Variants in CD276 observed in about 807,000 individuals in gnomAD.
CD276 encodes CD276 antigen.
CD276 carries 34 observed loss-of-function variants against 50.0 expected under a neutral mutation model. That is an observed-to-expected ratio of 0.68 (90% confidence interval 0.52 to 0.91). The LOEUF (loss-of-function observed/expected upper bound fraction) is 0.91, where lower values mean the gene tolerates loss of function less well. Among genes scored for constraint, CD276 ranks in the 40% least tolerant of loss-of-function variants. The pLI is 0.00. For missense variants in CD276, 634 were observed against 717.5 expected (o/e 0.88, Z 1.33); for synonymous variants, 275 against 313.0 (o/e 0.88, Z 1.28).
intron 2 of CD276, among the ~76,000 whole-genome samples, chr15:73,700,162 T>G (rs951922276): frequency 1.3e-5 from 2 of 152,118 alleles, no homozygotes; most frequent in African/African-American, 4.8e-5. Flanking sequence ...TTATTCTGCC[T>G]AGATTCGCCC....
At chr15:73,696,864 A>G (rs889488692) in intron 1 of CD276, among the ~76,000 whole-genome samples, 9 of 152,090 alleles carry the variant, frequency 5.9e-5, no homozygotes, top group African/African-American at 2.2e-4. Context: ...ACCTTAGAGA[A>G]TGGGGCTGGC....
chr15:73,703,140 G>A (rs77067414), intron 4 of CD276, 54 bp downstream of exon 4: 39,064 of 1,515,930 alleles, frequency 0.026, 565 homozygotes, highest in East Asian at 0.055. Flanking sequence ...TCTGTCGGCA[G>A]GGGTTGGGAG....
Position 73,702,592 on chromosome 15 carries a change from C to T in CD276, c.417C>T (p.Ala139=), listed in dbSNP as rs369360105. The change falls in exon 3 of 10, where the codon GCC becomes GCT. Residue 139 remains alanine (A), a splice_region_variant and synonymous_variant. Coordinates refer to ENST00000318443, the MANE Select transcript of CD276 (RefSeq NM_001024736.2). ...GCGCTGCCGTCAGCCTGCAGGTGGC[C>T]GGTGAGCACCAGGAGGGGGACGCCT... is the stretch of plus-strand genomic sequence containing the variant. ...FGSAAVSLQV[A]APYSKPSMTL... 3.2e-5 allele frequency: 51 copies of T among 1,604,492 alleles called. No individual in the cohort carries two copies. In the African/African-American group the frequency reaches 4.4e-4, roughly 14 times the overall value.
intron 1 of CD276, among the ~76,000 whole-genome samples, chr15:73,691,247 G>A (rs575970709): frequency 2.0e-5 from 3 of 151,934 alleles, no homozygotes; most frequent in African/African-American, 7.2e-5. Flanking sequence ...AAAAAGACTT[G>A]TTTAAGTACC....
chr15:73,700,735 A>T (rs1238586363), intron 2 of CD276, among the ~76,000 whole-genome samples: 1 of 152,142 alleles, frequency 6.6e-6, no homozygotes, highest in Non-Finnish European at 1.5e-5. Flanking sequence ...TTCTAAATGC[A>T]GGAAACCTTT....
Position 73,712,973 on chromosome 15 carries a change from G to A in CD276, c.*17G>A. On this transcript the variant is annotated 3_prime_UTR_variant, in exon 10 of 10. Coordinates refer to ENST00000318443, the MANE Select transcript of CD276 (RefSeq NM_001024736.2). Reference sequence around the variant, plus strand: ...ATAGCCTGACCATGAGGACCAGGGAGCTGCTACCCCTCCCTACAGCTCCTA... The same window carrying A: ...ATAGCCTGACCATGAGGACCAGGGAACTGCTACCCCTCCCTACAGCTCCTA... The A allele has an allele frequency of 6.2e-7, 1 of 1,613,286 alleles. No homozygotes were observed. The highest frequency in any genetic ancestry group is 8.5e-7 in the Non-Finnish European group (1 of 1,179,352).
At chr15:73,711,235 G>T in intron 9 of CD276, 65 bp downstream of exon 9, 1 of 1,557,388 alleles carries the variant, frequency 6.4e-7, no homozygotes. Flanking sequence ...GAGGCTGAGA[G>T]GGTGGGTAGG....
intron 1 of CD276, among the ~76,000 whole-genome samples, chr15:73,689,210 G>A (rs1899888685): frequency 6.6e-6 from 1 of 151,680 alleles, no homozygotes; most frequent in Admixed American, 6.6e-5. Flanking sequence ...GTGTGTGTGT[G>A]TGTGTGTGTG....
Position 73,702,476 on chromosome 15 carries a change from G to T in CD276, c.301G>T (p.Ala101Ser). 3.7e-6 allele frequency: 6 copies of T among 1,613,632 alleles called. No homozygotes were observed. The highest frequency in any genetic ancestry group is 5.1e-6 in the Non-Finnish European group (6 of 1,180,020). ...CACGGCCCTCTTCCCGGACCTGCTG[G>T]CACAGGGCAACGCATCCCTGAGGCT... ...NRTALFPDLLAQGNASLRLQR... is the reference protein window; with the variant it reads ...NRTALFPDLLSQGNASLRLQR... The change falls in exon 3 of 10, where the codon GCA (alanine) becomes TCA (serine). Residue 101 changes from alanine (A) to serine (S), a missense_variant. Physicochemically the swap from Ala to Ser is moderately conservative, Grantham distance 99 (BLOSUM62 1). Coordinates refer to ENST00000318443, the MANE Select transcript of CD276 (RefSeq NM_001024736.2).
intron 1 of CD276, chr15:73,690,832 G>A (rs1369272329): frequency 4.4e-6 from 2 of 455,400 alleles, no homozygotes; most frequent in African/African-American, 4.0e-5. Flanking sequence ...GTGGTGAGGG[G>A]CAAGTAGGAA....
rs916794833 is a variant in CD276, at chr15:73,713,037, C to T, written c.*81C>T. On this transcript the variant is annotated 3_prime_UTR_variant, in exon 10 of 10. Coordinates refer to ENST00000318443, the MANE Select transcript of CD276 (RefSeq NM_001024736.2). ...ATGGGGCTGCACTGTGAGCCCTGCC[C>T]CCAACAGATGCATCCTGCTCTGACA... The T allele has an allele frequency of 1.2e-5, 16 of 1,306,098 alleles. No individual in the cohort carries two copies. Among genetic ancestry groups the T allele is most frequent in the Non-Finnish European group, 1.7e-5 (16 of 915,484 alleles). The allele number at this position is 1,306,098 out of a possible 1,614,324, so 80.9% of individuals were successfully genotyped here. A position where few individuals can be genotyped will look rare whatever the true frequency, so the allele number is the denominator to read the frequency against.
At chr15:73,690,851 G>A in intron 1 of CD276, 1 of 455,172 alleles carries the variant, frequency 2.2e-6, no homozygotes, top group South Asian at 1.6e-5. Context: ...AAGAGGTGAG[G>A]CTGGGCAGGT....
intron 8 of CD276, 93 bp downstream of exon 8, chr15:73,709,782 T>C: frequency 7.8e-7 from 1 of 1,290,116 alleles, no homozygotes; most frequent in Non-Finnish European, 1.1e-6. Context: ...CCAGATTTGC[T>C]GTAAGGTTTG....
intron 1 of CD276, chr15:73,697,848 T>C (rs1034481109): frequency 6.6e-6 from 1 of 152,282 alleles, no homozygotes; most frequent in Admixed American, 6.5e-5. Context: ...ATTACAGGCA[T>C]GAGCCACCAC....
chr15:73,710,711 C>A (rs1900861740), intron 8 of CD276, among the ~76,000 whole-genome samples: 1 of 152,188 alleles, frequency 6.6e-6, no homozygotes, highest in Non-Finnish European at 1.5e-5. Flanking sequence ...ATGTAGTTGG[C>A]AGAAGGGAGG....
At chr15:73,711,543 T>C in intron 9 of CD276, 1 of 211,938 alleles carries the variant, frequency 4.7e-6, no homozygotes, top group Non-Finnish European at 9.5e-6. Flanking sequence ...CCACGCCCCC[T>C]CCAGAGCCAA....
intron 9 of CD276, among the ~76,000 whole-genome samples, chr15:73,712,650 G>A (rs1418855128): frequency 1.3e-5 from 2 of 152,224 alleles, no homozygotes; most frequent in Non-Finnish European, 2.9e-5. Flanking sequence ...CACGTAGAGG[G>A]AGAGTGGAGG....
chr15:73,711,682 G>A (rs1900908449), intron 9 of CD276: 1 of 157,532 alleles, frequency 6.3e-6, no homozygotes, highest in Non-Finnish European at 1.4e-5. Flanking sequence ...CTAGAAAAGT[G>A]TTCAGCTGGG....
At chr15:73,711,038 C>T (rs548203563) in intron 8 of CD276, 97 bp from the exon 9 acceptor site, 55 of 1,307,762 alleles carry the variant, frequency 4.2e-5, no homozygotes, top group South Asian at 4.0e-4. Flanking sequence ...TGACTTGTCC[C>T]GCCCCTTCCA....
Sources: gnomAD v4.1 joint callset for allele counts (sites outside exome capture counted in the v4.1 genomes callset) on GRCh38, gnomAD v4.1.1 for gene constraint, MANE v1.5 for transcripts, NCBI Gene and HGNC (gene_info 2026-07-23, HGNC 2026-07-21) for gene names.